AP3D1: variants seen among roughly 807,000 people sequenced by gnomAD.
AP3D1 encodes the protein AP-3 complex subunit delta-1.
A neutral mutation model predicts 147.6 loss-of-function variants in AP3D1; 51 were observed. The ratio of observed to expected loss-of-function variants is 0.35; its 90% confidence interval spans 0.28 to 0.44. AP3D1 has a LOEUF of 0.44. Ranked by LOEUF, AP3D1 falls within the 20% of genes least tolerant of loss-of-function variation. The probability of loss-of-function intolerance (pLI) is 1.00; values close to 1 mark genes in which losing one functional copy is unlikely to be tolerated. For missense variants in AP3D1, 1,421 were observed against 1,624.2 expected (o/e 0.87, Z 2.15); for synonymous variants, 760 against 663.0 (o/e 1.15, Z -2.25).
At position 2,110,540 on chromosome 19, in the gene AP3D1, TCA is replaced by T. The variant is rs1491198854; in HGVS notation, c.3175+165_3175+166del. ...GGTCCATCCGAGGCCATTGCGCTTC[TCA>T]GAGAGCTGTGGCGAGACCCCGACAC... On this transcript the variant is annotated intron_variant, in intron 27 of 31. Coordinates refer to ENST00000643116, the MANE Select transcript of AP3D1 (RefSeq NM_001261826.3). 8.4e-3 allele frequency among the ~76,000 whole-genome samples: 1,282 copies of T among 152,156 alleles called. 26 individuals are homozygous for T. Among genetic ancestry groups the T allele is most frequent in the African/African-American group, 0.03 (1,234 of 41,514 alleles).
intron 1 of AP3D1, among the ~76,000 whole-genome samples, chr19:2,158,658 T>G (rs1006338547): frequency 1.3e-5 from 2 of 149,612 alleles, no homozygotes; most frequent in Non-Finnish European, 3.0e-5. Context: ...CAGGCTGGAG[T>G]GCAACGGCGC....
chr19:2,126,020 C>T (rs186925488), intron 9 of AP3D1, among the ~76,000 whole-genome samples: 7 of 152,172 alleles, frequency 4.6e-5, no homozygotes, highest in African/African-American at 9.6e-5. Flanking sequence ...GGGTGGCATG[C>T]GCCTGTAGAA....
At chr19:2,139,851 C>G (rs2019173345) in intron 1 of AP3D1, among the ~76,000 whole-genome samples, 1 of 152,096 alleles carries the variant, frequency 6.6e-6, no homozygotes, top group East Asian at 1.9e-4. Context: ...CCCACTGTAG[C>G]TGGCCTCGAA....
At chr19:2,130,684 T>C in intron 5 of AP3D1, 147 bp from the exon 6 acceptor site, 3 of 1,289,460 alleles carry the variant, frequency 2.3e-6, no homozygotes, top group Non-Finnish European at 2.1e-6. Context: ...CAGACCAGCA[T>C]CTTGGATGGC....
At chr19:2,112,746 A>C (rs1264237836) in intron 24 of AP3D1, 114 bp downstream of exon 24, 1 of 723,446 alleles carries the variant, frequency 1.4e-6, no homozygotes, top group Non-Finnish European at 2.2e-6. Context: ...GCCAACACAA[A>C]TGCGAGAGCA....
At chr19:2,116,162 A>G (rs1193309902) in intron 18 of AP3D1, 45 bp downstream of exon 18, 4 of 1,591,570 alleles carry the variant, frequency 2.5e-6, no homozygotes. Flanking sequence ...TCGGGTGGTG[A>G]GGGTAGAGGG....
At chr19:2,117,001 G>A (rs908070153) in intron 16 of AP3D1, 11 of 799,288 alleles carry the variant, frequency 1.4e-5, no homozygotes, top group Non-Finnish European at 2.1e-5. Context: ...GCAAGGGTGG[G>A]AGCAGGCCCA....
chr19:2,132,899 C>T (rs2018987437), intron 4 of AP3D1, among the ~76,000 whole-genome samples: 1 of 152,136 alleles, frequency 6.6e-6, no homozygotes, highest in Non-Finnish European at 1.5e-5. Flanking sequence ...TTGGCTCCTC[C>T]TGGATGGGCA....
chr19:2,117,152 G>A (rs958477509), intron 16 of AP3D1, 70 bp downstream of exon 16: 94 of 1,503,766 alleles, frequency 6.3e-5, no homozygotes, highest in Admixed American at 3.3e-4. Flanking sequence ...AGGAGCCCCC[G>A]CTGTGCCACC....
chr19:2,159,550 G>A (rs754927407), intron 1 of AP3D1, among the ~76,000 whole-genome samples: 7 of 151,764 alleles, frequency 4.6e-5, no homozygotes, highest in Non-Finnish European at 7.4e-5. Flanking sequence ...CACAGCTCCC[G>A]GCTAATTTTT....
rs998633978 is a variant in AP3D1 at position 2,126,525 on chromosome 19, G to A, written c.856+627C>T. Among the ~76,000 whole-genome samples the A allele has an allele frequency of 1.3e-5, 2 of 151,890 alleles. 1 individual carries two copies. Among genetic ancestry groups the A allele is most frequent in the Non-Finnish European group, 2.9e-5 (2 of 67,958 alleles). On this transcript the variant is annotated intron_variant, in intron 9 of 31. Coordinates refer to ENST00000643116, the MANE Select transcript of AP3D1 (RefSeq NM_001261826.3). ...AAAAATTAGCCAGGCGTGGTGGCGG[G>A]CGCCTATAGTCCCTGCTACTCGGGA...
chr19:2,114,455 C>T (rs2018382354), intron 21 of AP3D1, among the ~76,000 whole-genome samples, 153 bp from the exon 22 acceptor site: 1 of 152,154 alleles, frequency 6.6e-6, no homozygotes. Context: ...CTCAACACAG[C>T]CTGCTGGAGG....
intron 15 of AP3D1, among the ~76,000 whole-genome samples, chr19:2,118,181 A>C (rs919008527): frequency 6.6e-6 from 1 of 152,088 alleles, no homozygotes; most frequent in African/African-American, 2.4e-5. Flanking sequence ...ACAAAACAAA[A>C]AACAAGCAGA....
rs758212989 is a variant in AP3D1, at chr19:2,115,453, C to A, written c.2150-35G>T. The A allele has an allele frequency of 4.4e-6, 7 of 1,608,590 alleles. No individual in the cohort carries two copies. The Admixed American group carries it at 5.0e-5, about 11-fold the overall frequency. On this transcript the variant is annotated intron_variant, in intron 19 of 31. Coordinates refer to ENST00000643116, the MANE Select transcript of AP3D1 (RefSeq NM_001261826.3). ...GGCAGCGGGCAGCCACTCAGCACTG[C>A]ACCCCAGGGGCTCACGGGGAGGGCG...
At chr19:2,111,600 G>T in intron 25 of AP3D1, 79 bp downstream of exon 25, 1 of 1,472,912 alleles carries the variant, frequency 6.8e-7, no homozygotes. Context: ...TCTCCCGCAT[G>T]GAGGCTGCAG....
In AP3D1 at chr19:2,115,628, C is replaced by A. The variant is rs2018424245; in HGVS notation, c.2074-15G>T. On this transcript the variant is annotated splice_polypyrimidine_tract_variant and intron_variant, in intron 18 of 31. Coordinates refer to ENST00000643116, the MANE Select transcript of AP3D1 (RefSeq NM_001261826.3). ...TCCTGGTACCGCTGCAAAGGCAACA[C>A]CCAGGCGTTACCGGTGCACCGAGGG... 6.8e-6 allele frequency: 11 copies of A among 1,608,886 alleles called. No homozygotes were observed. Among genetic ancestry groups the A allele is most frequent in the Non-Finnish European group, 9.3e-6 (11 of 1,177,184 alleles).
chr19:2,148,719 G>A (rs894317009), intron 1 of AP3D1, among the ~76,000 whole-genome samples: 5 of 152,208 alleles, frequency 3.3e-5, no homozygotes, highest in Non-Finnish European at 7.3e-5. Flanking sequence ...GTCAGCCCAA[G>A]CACCTGGACT....
At position 2,111,808 on chromosome 19, in the gene AP3D1, C is replaced by T; in HGVS notation, c.2808G>A (p.Lys936=). 1 of 1,613,958 alleles carries T rather than the reference C, an allele frequency of 6.2e-7. No homozygotes were observed. Among genetic ancestry groups the T allele is most frequent in the Non-Finnish European group, 8.5e-7 (1 of 1,179,970 alleles). The change falls in exon 25 of 32, where the codon AAG becomes AAA. Residue 936 remains lysine (K), a synonymous_variant. Transcript: ENST00000643116. ...DQDKKSPKPK[K]KKHRKEKEER... ...CCTCCTTCTCCTTCCTGTGCTTCTT[C>T]TTCTTAGGCTTGGGAGATTTCTGGA... is the stretch of plus-strand genomic sequence containing the variant.
upstream of AP3D1, among the ~76,000 whole-genome samples, chr19:2,152,606 G>C (rs184106212): frequency 6.6e-5 from 10 of 151,514 alleles, no homozygotes; most frequent in African/African-American, 2.4e-4. Flanking sequence ...GGCCAGGCGC[G>C]GTGGCTCACA....
Sources: gnomAD v4.1 joint callset for allele counts (sites outside exome capture counted in the v4.1 genomes callset) on GRCh38, gnomAD v4.1.1 for gene constraint, MANE v1.5 for transcripts, NCBI Gene and HGNC (gene_info 2026-07-23, HGNC 2026-07-21) for gene names.